Variants in MEGF11 observed in about 807,000 individuals in gnomAD.
MEGF11 encodes multiple EGF like domains 11, also known as multiple epidermal growth factor-like domains protein 11.
A neutral mutation model predicts 146.6 loss-of-function variants in MEGF11; 126 were observed. The observed-to-expected ratio is 0.86, with a 90% CI of 0.74 to 1.00. MEGF11 has a LOEUF of 1.00. Ranked by LOEUF, MEGF11 falls within the 50% of genes least tolerant of loss-of-function variation. MEGF11 has a pLI of 0.00. For synonymous variants in MEGF11, 532 were observed against 583.4 expected (o/e 0.91, Z 1.27); for missense variants, 1,509 against 1,521.2 (o/e 0.99, Z 0.13).
chr15:66,096,504 C>T (rs2086560204), intron 4 of MEGF11, among the ~76,000 whole-genome samples: 1 of 151,268 alleles, frequency 6.6e-6, no homozygotes, highest in Admixed American at 6.6e-5. Context: ...TGGAGAGAGC[C>T]CAAGGCTGTG....
chr15:65,937,169 G>T lies in MEGF11; in HGVS notation c.1288-6226C>A, dbSNP rs16949115. Among the ~76,000 whole-genome samples the T allele has an allele frequency of 1.7e-3, 255 of 152,314 alleles. 1 individual carries two copies. Among genetic ancestry groups the T allele is most frequent in the African/African-American group, 6.0e-3 (251 of 41,564 alleles). ...TGCTCCCAGGGAACTGGCTGCAAGG[G>T]TTGTGCTGTCTACACCTGCCTCCTC... On this transcript the variant is annotated intron_variant, in intron 10 of 25. Transcript: ENST00000395614.
chr15:66,138,763 T>C (rs929478171), intron 1 of MEGF11, among the ~76,000 whole-genome samples: 1 of 152,214 alleles, frequency 6.6e-6, no homozygotes, highest in African/African-American at 2.4e-5. Context: ...GTAATAAACC[T>C]GACTCCCAAG....
chr15:66,132,441 C>G (rs962196763), intron 1 of MEGF11, among the ~76,000 whole-genome samples: 1 of 152,238 alleles, frequency 6.6e-6, no homozygotes, highest in Non-Finnish European at 1.5e-5. Flanking sequence ...GACGCTGGAG[C>G]CTGGAGCCTG....
At chr15:66,168,933 A>C (rs923695422) in intron 1 of MEGF11, among the ~76,000 whole-genome samples, 3 of 152,256 alleles carry the variant, frequency 2.0e-5, no homozygotes, top group Non-Finnish European at 4.4e-5. Flanking sequence ...GGTTGCAGTG[A>C]GCCAGGATCG....
intron 5 of MEGF11, among the ~76,000 whole-genome samples, chr15:66,048,997 G>A (rs1215881395): frequency 1.3e-5 from 2 of 152,118 alleles, no homozygotes; most frequent in Non-Finnish European, 2.9e-5. Flanking sequence ...AGACCACCAG[G>A]GGTTTGTCCT....
chr15:65,962,882 G>A (rs1266123131), intron 9 of MEGF11, among the ~76,000 whole-genome samples: 1 of 152,170 alleles, frequency 6.6e-6, no homozygotes, highest in East Asian at 1.9e-4. Flanking sequence ...CTCCCTCCCA[G>A]TCCCTGAAAC....
intron 12 of MEGF11, among the ~76,000 whole-genome samples, chr15:65,929,131 A>G (rs759677826): frequency 1.3e-5 from 2 of 152,244 alleles, no homozygotes; most frequent in Non-Finnish European, 2.9e-5. Flanking sequence ...GACAAAGCCA[A>G]GATTTGAACC....
At chr15:66,050,454 G>T (rs1266018629) in intron 5 of MEGF11, among the ~76,000 whole-genome samples, 1 of 152,208 alleles carries the variant, frequency 6.6e-6, no homozygotes, top group East Asian at 1.9e-4. Context: ...GAAACAGCCA[G>T]TGCAAAGGCC....
chr15:66,034,419 T>G (rs2083648526), intron 5 of MEGF11, among the ~76,000 whole-genome samples: 2 of 151,460 alleles, frequency 1.3e-5, no homozygotes, highest in South Asian at 2.1e-4. Flanking sequence ...TTTGTTTTTG[T>G]TTTTTGGTTT....
intron 5 of MEGF11, among the ~76,000 whole-genome samples, chr15:66,070,106 GA>G (rs1243416224): frequency 7.9e-5 from 12 of 152,368 alleles, no homozygotes; most frequent in Admixed American, 7.8e-4. Context: ...AGACTGGAGT[GA>G]AAGTCACTCT....
chr15:66,004,659 A>G (rs748200398), intron 5 of MEGF11, among the ~76,000 whole-genome samples: 2 of 152,098 alleles, frequency 1.3e-5, no homozygotes. Context: ...GAAAGGACTG[A>G]ATTTGGGGGT....
At chr15:66,223,464 T>G (rs2091781452) in intron 1 of MEGF11, among the ~76,000 whole-genome samples, 1 of 152,214 alleles carries the variant, frequency 6.6e-6, no homozygotes, top group African/African-American at 2.4e-5. Context: ...ACCATTGAAT[T>G]GTACACTTTA....
intron 5 of MEGF11, among the ~76,000 whole-genome samples, chr15:66,019,630 T>C (rs2083030675): frequency 6.6e-6 from 1 of 152,190 alleles, no homozygotes; most frequent in Admixed American, 6.5e-5. Flanking sequence ...CCAGGGGGCC[T>C]GGCGCTGTTT....
intron 5 of MEGF11, among the ~76,000 whole-genome samples, chr15:66,068,469 G>A (rs1006522850): frequency 5.9e-5 from 9 of 152,074 alleles, no homozygotes; most frequent in Non-Finnish European, 1.5e-5. Flanking sequence ...AATGTCCCCT[G>A]GCATTAAAAA....
At chr15:65,977,726 C>T (rs1169234001) in intron 7 of MEGF11, among the ~76,000 whole-genome samples, 1 of 152,006 alleles carries the variant, frequency 6.6e-6, no homozygotes, top group Admixed American at 6.6e-5. Flanking sequence ...TCCTATTTCC[C>T]AGCTCCTCAG....
intron 10 of MEGF11, among the ~76,000 whole-genome samples, chr15:65,932,609 TA>T (rs1436324968): frequency 6.6e-6 from 1 of 151,904 alleles, no homozygotes; most frequent in Non-Finnish European, 1.5e-5. Flanking sequence ...GGGAATGTGC[TA>T]GGGGTGGCTG....
chr15:66,202,453 G>T (rs2091187711), intron 1 of MEGF11, among the ~76,000 whole-genome samples: 1 of 152,206 alleles, frequency 6.6e-6, no homozygotes, highest in African/African-American at 2.4e-5. Context: ...GCAGAATGAG[G>T]AGTGGGCAGC....
At chr15:65,927,749 C>T (rs1372719410) in intron 13 of MEGF11, among the ~76,000 whole-genome samples, 1 of 152,116 alleles carries the variant, frequency 6.6e-6, no homozygotes, top group Non-Finnish European at 1.5e-5. Context: ...AGACTGCAGC[C>T]CTGGTGGCTG....
At position 65,916,357 on chromosome 15, in the gene MEGF11, G is replaced by T. The variant is rs1596832905; in HGVS notation, c.2216-81C>A. ...ACAGCAGGAACCAGACCTGTCTTCTGTCTCTTTTTTTGCTGAGCATGGGAT... is the reference window on the plus strand; with the variant it reads ...ACAGCAGGAACCAGACCTGTCTTCTTTCTCTTTTTTTGCTGAGCATGGGAT... On this transcript the variant is annotated intron_variant, in intron 17 of 25. Coordinates refer to ENST00000395614, the MANE Select transcript of MEGF11 (RefSeq NM_001385028.1). 1.6e-5 allele frequency: 23 copies of T among 1,470,952 alleles called. No homozygotes were observed. In the East Asian group the frequency reaches 5.8e-4, roughly 37 times the overall value. The allele number at this position is 1,470,952 out of a possible 1,614,324, so 91.1% of individuals were successfully genotyped here. A position where few individuals can be genotyped will look rare whatever the true frequency, so the allele number is the denominator to read the frequency against.
Sources: allele counts gnomAD v4.1 joint callset (sites outside exome capture counted in the v4.1 genomes callset), GRCh38; gene constraint gnomAD v4.1.1; transcripts MANE v1.5; gene names NCBI Gene and HGNC (gene_info 2026-07-23, HGNC 2026-07-21).